ZNF490: variants seen among roughly 807,000 people sequenced by gnomAD.
The protein encoded by ZNF490 is zinc finger protein 490.
A neutral mutation model predicts 17.7 loss-of-function variants in ZNF490; 11 were observed. The observed-to-expected ratio is 0.62, with a 90% confidence interval of 0.39 to 1.03. ZNF490 has a LOEUF of 1.03. Ranked by LOEUF, ZNF490 falls within the 50% of genes least tolerant of loss-of-function variation. ZNF490 has a pLI of 0.00. For synonymous variants in ZNF490, 222 were observed against 216.1 expected, an observed-to-expected ratio of 1.03 and a Z score of -0.24; for missense variants, 542 against 643.4, an observed-to-expected ratio of 0.84 and a Z score of 1.71.
In ZNF490 at chr19:12,578,688, A is replaced by G; in HGVS notation, c.*1797T>C. On this transcript the variant is annotated 3_prime_UTR_variant, in exon 5 of 5. Transcript: ENST00000311437. ...CATTCCCACAGTCTGACCCGAGGAC[A>G]CTGATGGAAACTTAAAAGGCAGATT... The G allele has an allele frequency of 1.0e-6, 1 of 985,442 alleles. No individual in the cohort carries two copies. The highest frequency in any genetic ancestry group is 1.2e-6 in the Non-Finnish European group (1 of 829,958). The allele number at this position is 985,442 out of a possible 1,614,324, so 61.0% of individuals were successfully genotyped here.
chr19:12,580,317 C>T lies in ZNF490; in HGVS notation c.*168G>A, dbSNP rs1161915222. 44 of 1,428,018 alleles carry T rather than the reference C, an allele frequency of 3.1e-5. No homozygotes were observed. Among genetic ancestry groups the T allele is most frequent in the Admixed American group, 5.5e-5 (2 of 36,280 alleles). The allele number at this position is 1,428,018 out of a possible 1,614,324, so 88.5% of individuals were successfully genotyped here. On this transcript the variant is annotated 3_prime_UTR_variant, in exon 5 of 5. Coordinates refer to ENST00000311437, the MANE Select transcript of ZNF490 (RefSeq NM_020714.3). ...CGCAGGAGAGTGCAAGTTCCTCCCCCATTTGTTAAATATTTCATTGCCGCA... is the reference window on the plus strand; with the variant it reads ...CGCAGGAGAGTGCAAGTTCCTCCCCTATTTGTTAAATATTTCATTGCCGCA...
chr19:12,602,948 G>A (rs577110280), intron 2 of ZNF490, among the ~76,000 whole-genome samples: 2 of 151,992 alleles, frequency 1.3e-5, no homozygotes, highest in Non-Finnish European at 2.9e-5. Context: ...TTTCTTATGT[G>A]CAGAGTACTT....
chr19:12,595,412 C>CT (rs1055080053), intron 2 of ZNF490, among the ~76,000 whole-genome samples: 1 of 151,680 alleles, frequency 6.6e-6, no homozygotes, highest in Admixed American at 6.6e-5. Context: ...CATGTCCAGC[C>CT]TTTTTTTTAG....
intron 2 of ZNF490, among the ~76,000 whole-genome samples, chr19:12,599,683 T>C (rs1196603920): frequency 1.3e-5 from 2 of 152,190 alleles, no homozygotes; most frequent in East Asian, 1.9e-4. Context: ...GAAAAAACAG[T>C]TTTACATGCA....
chr19:12,601,479 C>T (rs2023002820), intron 2 of ZNF490, among the ~76,000 whole-genome samples: 3 of 151,986 alleles, frequency 2.0e-5, no homozygotes, highest in South Asian at 4.1e-4. Flanking sequence ...GCAGCCAAAA[C>T]TCCCAGGCTC....
intron 2 of ZNF490, among the ~76,000 whole-genome samples, chr19:12,594,283 C>T (rs186395112): frequency 1.3e-5 from 2 of 151,900 alleles, no homozygotes; most frequent in African/African-American, 2.4e-5. Flanking sequence ...CTGGCCAATA[C>T]GGTAAAACCC....
intron 3 of ZNF490, 41 bp downstream of exon 3, chr19:12,583,389 G>C: frequency 6.5e-7 from 1 of 1,544,664 alleles, no homozygotes. Flanking sequence ...AGAAACACCT[G>C]TTCCCTCCTT....
intron 2 of ZNF490, among the ~76,000 whole-genome samples, chr19:12,604,900 T>C (rs2023050000): frequency 6.6e-6 from 1 of 151,978 alleles, no homozygotes; most frequent in Non-Finnish European, 1.5e-5. Context: ...ACACCTGTAA[T>C]GCCAGCACTT....
Position 12,579,607 on chromosome 19 carries a change from T to C in ZNF490, c.*878A>G, listed in dbSNP as rs2022697244. 1 of 151,784 alleles carries C rather than the reference T, an allele frequency of 6.6e-6. No individual in the cohort carries two copies. The highest frequency in any genetic ancestry group is 1.9e-4 in the East Asian group (1 of 5,162). 9.4% of individuals were successfully genotyped at this position (151,784 alleles called of 1,614,324 possible). A position where few individuals can be genotyped will look rare whatever the true frequency, so the allele number is the denominator to read the frequency against. ...GGGTGGATCATTTGAGGTCAAGAGT[T>C]TAAGATCAGCCTGGTCAACATGGTG... On this transcript the variant is annotated 3_prime_UTR_variant, in exon 5 of 5. Transcript: ENST00000311437.
intron 2 of ZNF490, among the ~76,000 whole-genome samples, chr19:12,603,553 A>T (rs1352639296): frequency 6.6e-6 from 1 of 152,014 alleles, no homozygotes; most frequent in Non-Finnish European, 1.5e-5. Context: ...GTACTTTGGG[A>T]GGCCAAGGTA....
intron 2 of ZNF490, among the ~76,000 whole-genome samples, chr19:12,594,142 A>G (rs1467148819): frequency 6.6e-6 from 1 of 152,136 alleles, no homozygotes; most frequent in African/African-American, 2.4e-5. Flanking sequence ...ATCATGGATA[A>G]TTACAAGAGG....
At position 12,578,414 on chromosome 19, in the gene ZNF490, C is replaced by G. The variant is rs1227471925; in HGVS notation, c.*2071G>C. The G allele has an allele frequency of 4.1e-6, 4 of 985,326 alleles. No individual in the cohort carries two copies. The highest frequency in any genetic ancestry group is 4.8e-6 in the Non-Finnish European group (4 of 829,992). The allele number at this position is 985,326 out of a possible 1,614,324, so 61.0% of individuals were successfully genotyped here. A position where few individuals can be genotyped will look rare whatever the true frequency, so the allele number is the denominator to read the frequency against. On this transcript the variant is annotated 3_prime_UTR_variant, in exon 5 of 5. Transcript: ENST00000311437. ...CTGTGTGGTCAAGGGGTGTGTGTCC[C>G]ATGATACAGGCTCTGCTTCTTCAGT...
At chr19:12,591,812 C>T (rs866143225) in intron 2 of ZNF490, among the ~76,000 whole-genome samples, 27 of 149,682 alleles carry the variant, frequency 1.8e-4, no homozygotes, top group Non-Finnish European at 3.5e-4. Flanking sequence ...GATACTCCCA[C>T]TTTGAAAGGC....
chr19:12,598,625 C>G (rs1316863305), intron 2 of ZNF490, among the ~76,000 whole-genome samples: 3 of 151,692 alleles, frequency 2.0e-5, no homozygotes, highest in Non-Finnish European at 2.9e-5. Flanking sequence ...GATCTGCCCG[C>G]CTCGGCCTCC....
chr19:12,608,637 T>C (rs957514882), intron 2 of ZNF490, among the ~76,000 whole-genome samples: 1 of 151,948 alleles, frequency 6.6e-6, no homozygotes, highest in African/African-American at 2.4e-5. Flanking sequence ...CATGCCCAGC[T>C]AACTTAAAAA....
intron 2 of ZNF490, among the ~76,000 whole-genome samples, chr19:12,599,139 C>CAAAAAAAAAAAAAAAAA (rs55911311): frequency 4.4e-5 from 3 of 68,634 alleles, no homozygotes; most frequent in African/African-American, 6.7e-5. Context: ...GACTCTGTCT[C>CAAAAAAAAAAAAAAAAA]AAAAAAAAAA....
chr19:12,610,580 C>T lies in ZNF490; in HGVS notation c.101G>A (p.Gly34Glu), dbSNP rs1316480779. The change falls in exon 1 of 5, where the codon GGG becomes GAG. Residue 34 changes from glycine to glutamate, a missense_variant. By Grantham distance (98) the Gly-to-Glu change is moderately conservative. Transcript: ENST00000311437. ...SSSQGRTGTG[G>E]SDVLQMQNSE... Reference sequence around the variant, plus strand: ...CCCTGGTACCTGGAGGACATCAGACCCTCCTGTTCCTGTGCGGCCTTGACT... The same window carrying T: ...CCCTGGTACCTGGAGGACATCAGACTCTCCTGTTCCTGTGCGGCCTTGACT... The T allele has an allele frequency of 6.2e-6, 10 of 1,613,758 alleles. No individual in the cohort carries two copies. Among genetic ancestry groups the T allele is most frequent in the South Asian group, 1.1e-5 (1 of 91,070 alleles).
chr19:12,600,975 A>C (rs887934965), intron 2 of ZNF490, among the ~76,000 whole-genome samples: 3 of 151,848 alleles, frequency 2.0e-5, no homozygotes, highest in Non-Finnish European at 2.9e-5. Flanking sequence ...CTGTAGCCCC[A>C]GCTACTTGGG....
intron 2 of ZNF490, among the ~76,000 whole-genome samples, chr19:12,602,079 T>TATATATACACAC (rs778812676): frequency 1.5e-5 from 1 of 68,596 alleles, no homozygotes; most frequent in Non-Finnish European, 4.0e-5. Context: ...GTTCACTATA[T>TATATATACACAC]ACACACACAC....
Sources: gnomAD v4.1 joint callset for allele counts (sites outside exome capture counted in the v4.1 genomes callset) on GRCh38, gnomAD v4.1.1 for gene constraint, MANE v1.5 for transcripts, NCBI Gene and HGNC (gene_info 2026-07-23, HGNC 2026-07-21) for gene names.